The following ZNF142 variants were observed in gnomAD, a reference collection of about 807,000 sequenced individuals.
ZNF142 encodes zinc finger protein 142, also known as zinc finger protein 142 (clone pHZ-49).
A neutral mutation model predicts 132.1 loss-of-function variants in ZNF142; 96 were observed. That is an observed-to-expected ratio of 0.73 (90% CI 0.62 to 0.86). The LOEUF is 0.86. Ranked by LOEUF, ZNF142 falls within the 40% of genes least tolerant of loss-of-function variation. ZNF142 has a pLI of 0.00. For missense variants in ZNF142, 2,163 were observed against 2,336.2 expected, an observed-to-expected ratio of 0.93 and a Z score of 1.53; for synonymous variants, 842 against 890.1, an observed-to-expected ratio of 0.95 and a Z score of 0.96.
At chr2:218,646,110 G>C (rs1697702858) in intron 8 of ZNF142, 61 bp downstream of exon 8, 1 of 1,575,668 alleles carries the variant, frequency 6.3e-7, no homozygotes, top group Non-Finnish European at 8.6e-7. Flanking sequence ...TTAGATCCGA[G>C]AGGAAGCTAG....
Position 218,656,303 on chromosome 2 carries a change from G to A in ZNF142, c.127C>T (p.Pro43Ser). 2.5e-6 allele frequency: 4 copies of A among 1,610,836 alleles called. No individual in the cohort carries two copies. Among genetic ancestry groups the A allele is most frequent in the Non-Finnish European group, 3.4e-6 (4 of 1,178,304 alleles). ...NRGILGPVQSPCPSRDPAPIP... is the reference protein window; with the variant it reads ...NRGILGPVQSSCPSRDPAPIP... ...GGTGCAGGGTCCCGGGAAGGACAGG[G>A]GCTCTGGACAGGCCCCAGGATTCCA... The change falls in exon 4 of 11, where the codon CCC becomes TCC. Residue 43 changes from proline to serine, a missense_variant. Physicochemically the swap from Pro to Ser is moderately conservative, Grantham distance 74. This residue lies in a region of ZNF142 where 195 missense variants were observed against 172.4 expected (regional missense o/e 1.13). Coordinates refer to ENST00000411696, the MANE Select transcript of ZNF142 (RefSeq NM_001379659.1).
chr2:218,647,991 A>T (rs949639542), intron 7 of ZNF142, among the ~76,000 whole-genome samples: 2 of 152,166 alleles, frequency 1.3e-5, no homozygotes, highest in Non-Finnish European at 2.9e-5. Flanking sequence ...GATGCCTACA[A>T]TTTTTTCTCC....
intron 4 of ZNF142, among the ~76,000 whole-genome samples, chr2:218,654,124 A>G (rs1313238143): frequency 1.3e-5 from 2 of 152,216 alleles, no homozygotes; most frequent in Non-Finnish European, 2.9e-5. Context: ...GTTTCCAACC[A>G]TTACAAATAA....
In ZNF142 at chr2:218,633,873, G is replaced by GCCC; in HGVS notation, c.*4465_*4466insGGG. ...GACAAGGTAGCTAAGGAGAGATGAAGGAGTTCAGAAACTCCTTAGAGCAGA... is the reference window on the plus strand; with the variant it reads ...GACAAGGTAGCTAAGGAGAGATGAAGCCCGAGTTCAGAAACTCCTTAGAGCAGA... On this transcript the variant is annotated 3_prime_UTR_variant, in exon 11 of 11. Coordinates refer to ENST00000411696, the MANE Select transcript of ZNF142 (RefSeq NM_001379659.1). The GCCC allele has an allele frequency of 8.6e-7, 1 of 1,158,520 alleles. No homozygotes were observed. The highest frequency in any genetic ancestry group is 1.3e-6 in the Non-Finnish European group (1 of 798,146). The allele number at this position is 1,158,520 out of a possible 1,614,324, so 71.8% of individuals were successfully genotyped here.
Position 218,649,024 on chromosome 2 carries a change from T to C in ZNF142, c.1484A>G (p.Tyr495Cys), listed in dbSNP as rs758041837. Residue 495 changes from tyrosine to cysteine, a missense_variant, in exon 7 of 11, where the codon TAT becomes TGT. Around this residue, in one of 7 missense-constraint regions of ZNF142, gnomAD observed 749 missense variants for 830.3 expected, o/e 0.90. Coordinates refer to ENST00000411696, the MANE Select transcript of ZNF142 (RefSeq NM_001379659.1). Reference sequence around the variant, plus strand: ...GAAGGCCTTGCGGTCGGGTGCTGCATAGCTGCAGCCCTCCTGAAAGCAGCG... The same window carrying C: ...GAAGGCCTTGCGGTCGGGTGCTGCACAGCTGCAGCCCTCCTGAAAGCAGCG... ...PLRCFQEGCS[Y>C]AAPDRKAFIK... The C allele has an allele frequency of 1.4e-5, 23 of 1,612,744 alleles. No homozygotes were observed. The highest frequency in any genetic ancestry group is 1.7e-5 in the Non-Finnish European group (20 of 1,180,048).
Position 218,648,758 on chromosome 2 carries a change from G to C in ZNF142, c.1750C>G (p.Pro584Ala). ...CCTACATGATCCTGGTAAGCCACTG[G>C]GTTGAAGGTGGCAAAGGGGCAGAAG... ...CTFCPFATFN[P>A]VAYQDHVGKM... Residue 584 changes from proline to alanine, a missense_variant, in exon 7 of 11, where the codon CCA becomes GCA. Pro to Ala is a conservative substitution (Grantham distance 27). Coordinates refer to ENST00000411696, the MANE Select transcript of ZNF142 (RefSeq NM_001379659.1). 1.9e-6 allele frequency: 3 copies of C among 1,614,200 alleles called. No homozygotes were observed. The highest frequency in any genetic ancestry group is 1.7e-6 in the Non-Finnish European group (2 of 1,180,038).
In ZNF142 at chr2:218,643,924, C is replaced by T; in HGVS notation, c.3192G>A (p.Glu1064=). 6.2e-7 allele frequency: 1 copy of T among 1,614,140 alleles called. No homozygotes were observed. The highest frequency in any genetic ancestry group is 1.7e-5 in the Admixed American group (1 of 60,028). The part of the protein sequence containing the change: ...HSRTGCQGRR[E]PLLCPECGAS... ...CCCCACACTCGGGGCACAGCAGGGGCTCTCGGCGGCCTTGGCACCCAGTCC... is the reference window on the plus strand; with the variant it reads ...CCCCACACTCGGGGCACAGCAGGGGTTCTCGGCGGCCTTGGCACCCAGTCC... Residue 1064 remains glutamate (E), a synonymous_variant, in exon 9 of 11, where the codon GAG becomes GAA. Coordinates refer to ENST00000411696, the MANE Select transcript of ZNF142 (RefSeq NM_001379659.1).
chr2:218,633,819 T>G lies in ZNF142; in HGVS notation c.*4520A>C, dbSNP rs553015969. 1.4e-5 allele frequency: 22 copies of G among 1,583,886 alleles called. No individual in the cohort carries two copies. In the Admixed American group the frequency reaches 2.4e-4, roughly 17 times the overall value. ...GTGGGATGGATAGGTTCAGGCCTGATGGACTGGCAGGTAAGTCCCAAGAAA... is the reference window on the plus strand; with the variant it reads ...GTGGGATGGATAGGTTCAGGCCTGAGGGACTGGCAGGTAAGTCCCAAGAAA... On this transcript the variant is annotated 3_prime_UTR_variant, in exon 11 of 11. Coordinates refer to ENST00000411696, the MANE Select transcript of ZNF142 (RefSeq NM_001379659.1).
At position 218,635,736 on chromosome 2, in the gene ZNF142, T is replaced by G; in HGVS notation, c.*2603A>C. On this transcript the variant is annotated 3_prime_UTR_variant, in exon 11 of 11. Transcript: ENST00000411696. ...GCTTCTTCTCCCCTGGGGTTGGGAG[T>G]AGGGTCGGGTGGGGCTGGGCTGAGC... 1.3e-6 allele frequency: 2 copies of G among 1,560,230 alleles called. No homozygotes were observed. Among genetic ancestry groups the G allele is most frequent in the Non-Finnish European group, 1.7e-6 (2 of 1,151,088 alleles).
At chr2:218,651,193 G>T (rs1362643025) in intron 5 of ZNF142, among the ~76,000 whole-genome samples, 1 of 152,070 alleles carries the variant, frequency 6.6e-6, no homozygotes, top group East Asian at 1.9e-4. Context: ...CATTGCCCAG[G>T]CTGGTCTTGA....
At chr2:218,650,320 C>G (rs1275655035) in intron 6 of ZNF142, 39 bp downstream of exon 6, 2 of 1,612,938 alleles carry the variant, frequency 1.2e-6, no homozygotes, top group Non-Finnish European at 1.7e-6. Context: ...ATCCATTCTT[C>G]CCCACCACCA....
rs1696501802 is a variant in ZNF142 at position 218,633,409 on chromosome 2, TC to T, written c.*4929del. The T allele has an allele frequency of 1.4e-6, 1 of 729,412 alleles. No homozygotes were observed. Among genetic ancestry groups the T allele is most frequent in the African/African-American group, 1.7e-5 (1 of 57,686 alleles). The allele number at this position is 729,412 out of a possible 1,614,324, so 45.2% of individuals were successfully genotyped here. On this transcript the variant is annotated 3_prime_UTR_variant, in exon 11 of 11. Coordinates refer to ENST00000411696, the MANE Select transcript of ZNF142 (RefSeq NM_001379659.1). ...AGGTTGTGACGTGCCCGCTGTTTTG[TC>T]CGTCTATCTGTTGTCAGATTGTGGC...
chr2:218,642,208 C>G lies in ZNF142; in HGVS notation c.4908G>C (p.Gln1636His). Residue 1636 changes from glutamine (Q) to histidine (H), a missense_variant, in exon 9 of 11, where the codon CAG (glutamine) becomes CAC (histidine). Gln to His is a conservative substitution (Grantham distance 24). Around this residue, in one of 7 missense-constraint regions of ZNF142, gnomAD observed 325 missense variants for 367.8 expected, o/e 0.88. Transcript: ENST00000411696. The surrounding 1 kb of genome is among the most constrained non-coding windows in gnomAD (Gnocchi z 4.6). Reference sequence around the variant, plus strand: ...CTTTCACATGGTGATCTAGTACCAGCTGATGGCGGCATGTGAAGTCACAAA... The same window carrying G: ...CTTTCACATGGTGATCTAGTACCAGGTGATGGCGGCATGTGAAGTCACAAA... ...CPFCDFTCRH[Q>H]LVLDHHVKGH... 2.5e-6 allele frequency: 4 copies of G among 1,614,210 alleles called. No homozygotes were observed. The highest frequency in any genetic ancestry group is 3.4e-6 in the Non-Finnish European group (4 of 1,180,050).
In ZNF142 at chr2:218,642,121, C is replaced by T; in HGVS notation, c.4995G>A (p.Gln1665=). ...GGATGCGGCTGTGCCAGGTGATCTT[C>T]TGTCGGTTCTTGGTGCTGTAAGCAC... ...TDCAYSTKNR[Q]KITWHSRIHT... is the part of the protein sequence containing the mutation. The change falls in exon 9 of 11, where the codon CAG becomes CAA. Residue 1665 remains glutamine (Q), a synonymous_variant. Coordinates refer to ENST00000411696, the MANE Select transcript of ZNF142 (RefSeq NM_001379659.1). This position sits in a 1 kb window ranked among gnomAD's most constrained non-coding sequence, Gnocchi z 4.6. 1.2e-6 allele frequency: 2 copies of T among 1,614,160 alleles called. No homozygotes were observed. Among genetic ancestry groups the T allele is most frequent in the African/African-American group, 1.3e-5 (1 of 75,020 alleles).
chr2:218,639,899 A>G (rs1376141730), intron 10 of ZNF142, among the ~76,000 whole-genome samples: 2 of 149,564 alleles, frequency 1.3e-5, no homozygotes, highest in Non-Finnish European at 3.0e-5. Context: ...TACTAAAAAT[A>G]CAAAAACTTA....
At position 218,637,258 on chromosome 2, in the gene ZNF142, C is replaced by T. The variant is rs887600501; in HGVS notation, c.*1081G>A. On this transcript the variant is annotated 3_prime_UTR_variant, in exon 11 of 11. Transcript: ENST00000411696. Reference sequence around the variant, plus strand: ...GGGACATCTGGGTAGTCAGGTGAGACAAGGAAAAGGTAGAGAAAGAGGTTC... The same window carrying T: ...GGGACATCTGGGTAGTCAGGTGAGATAAGGAAAAGGTAGAGAAAGAGGTTC... 6.0e-5 allele frequency: 11 copies of T among 182,036 alleles called. No individual in the cohort carries two copies. The highest frequency in any genetic ancestry group is 1.2e-4 in the South Asian group (1 of 8,394). The allele number at this position is 182,036 out of a possible 1,614,324, so 11.3% of individuals were successfully genotyped here.
rs1360575652 is a variant in ZNF142, at chr2:218,635,777, T to C, written c.*2562A>G. 1.9e-6 allele frequency: 3 copies of C among 1,608,120 alleles called. No individual in the cohort carries two copies. The highest frequency in any genetic ancestry group is 2.5e-6 in the Non-Finnish European group (3 of 1,177,242). The stretch of plus-strand genomic sequence containing the variant: ...TGGGCTGAGCAGGAACTTGTGAGAT[T>C]CCAGAGCCCTGACTACAGGTGATCA... On this transcript the variant is annotated 3_prime_UTR_variant, in exon 11 of 11. Transcript: ENST00000411696.
Position 218,643,356 on chromosome 2 carries a change from C to T in ZNF142, c.3760G>A (p.Gly1254Ser), listed in dbSNP as rs1174198095. ...GGGGTCCCTCGTTTTCCTCCCCCGC[C>T]ACGTCCCCCCCTGCAGCCTTCAGCC... ...HVAEGCRGGRGGGGKRGTPQT... is the reference protein window; with the variant it reads ...HVAEGCRGGRSGGGKRGTPQT... Residue 1254 changes from glycine to serine, a missense_variant, in exon 9 of 11, where the codon GGC becomes AGC. By Grantham distance (56) the Gly-to-Ser change is moderately conservative. Around this residue, in one of 7 missense-constraint regions of ZNF142, gnomAD observed 809 missense variants for 801.7 expected, o/e 1.01. Coordinates refer to ENST00000411696, the MANE Select transcript of ZNF142 (RefSeq NM_001379659.1). 19 of 1,614,092 alleles carry T rather than the reference C, an allele frequency of 1.2e-5. No individual in the cohort carries two copies. The highest frequency in any genetic ancestry group is 1.6e-5 in the Non-Finnish European group (19 of 1,180,032).
chr2:218,644,242 C>T lies in ZNF142; in HGVS notation c.2874G>A (p.Leu958=), dbSNP rs375547544. ...SDLSAEENPL[L]EKPVSEPSTN... The stretch of plus-strand genomic sequence containing the variant: ...TGGAGGGCTCAGACACTGGCTTTTC[C>T]AGAAGGGGATTTTCTTCAGCACTCA... Residue 958 remains leucine (L), a synonymous_variant, in exon 9 of 11, where the codon CTG becomes CTA. Transcript: ENST00000411696. The surrounding 1 kb of genome is among the most constrained non-coding windows in gnomAD (Gnocchi z 4.6). The T allele has an allele frequency of 8.1e-6, 13 of 1,613,944 alleles. No individual in the cohort carries two copies. Among genetic ancestry groups the T allele is most frequent in the Middle Eastern group, 1.6e-4 (1 of 6,084 alleles).
Sources: gnomAD v4.1 joint callset for allele counts (sites outside exome capture counted in the v4.1 genomes callset) on GRCh38, gnomAD v4.1.1 for gene constraint, gnomAD v4.1.1 regional missense constraint, Gnocchi (gnomAD v3.1) non-coding constraint, MANE v1.5 for transcripts, NCBI Gene and HGNC (gene_info 2026-07-23, HGNC 2026-07-21) for gene names.